Variants in LAMA2 observed in about 807,000 individuals in gnomAD.
The protein encoded by LAMA2 is laminin subunit alpha 2.
A neutral mutation model predicts 364.8 loss-of-function variants in LAMA2; 269 were observed. The ratio of observed to expected loss-of-function variants is 0.74; its 90% CI spans 0.67 to 0.82. LAMA2 has a LOEUF of 0.82. Ranked by LOEUF, LAMA2 falls within the 40% of genes least tolerant of loss-of-function variation. The probability of loss-of-function intolerance (pLI) is 0.00; values close to 1 mark genes in which losing one functional copy is unlikely to be tolerated. For synonymous variants in LAMA2, 1,379 were observed against 1,370.6 expected, an observed-to-expected ratio of 1.01 and a Z score of -0.14; for missense variants, 3,807 against 3,873.2, an observed-to-expected ratio of 0.98 and a Z score of 0.45.
chr6:129,314,394 G>C lies in LAMA2; in HGVS notation c.3412-261G>C, dbSNP rs142635777. ...GGCCTGGGCGAAAGAGCGAGACTCC[G>C]TCTCAAAAAAAAAAAAAAAAAAAAA... On this transcript the variant is annotated intron_variant, in intron 23 of 64. Transcript: ENST00000421865. Among the ~76,000 whole-genome samples, 4,492 of 42,950 alleles carry C rather than the reference G, an allele frequency of 0.1. 260 individuals carry two copies. Among genetic ancestry groups the C allele is most frequent in the African/African-American group, 0.29 (4,091 of 14,104 alleles). 28.2% of individuals were successfully genotyped at this position (42,950 alleles called of 152,430 possible). A position where few individuals can be genotyped will look rare whatever the true frequency, so the allele number is the denominator to read the frequency against.
intron 12 of LAMA2, among the ~76,000 whole-genome samples, chr6:129,223,702 A>C (rs1221678176): frequency 1.3e-5 from 2 of 152,138 alleles, no homozygotes; most frequent in Non-Finnish European, 2.9e-5. Context: ...ATTGATCTAC[A>C]TCTCTCTTTT....
intron 1 of LAMA2, chr6:128,929,952 AC>A: frequency 1.4e-6 from 1 of 714,240 alleles, no homozygotes; most frequent in Non-Finnish European, 2.4e-6. Flanking sequence ...ACCTGGACCC[AC>A]CACTCCCTCA....
In LAMA2 at chr6:129,250,622, T is replaced by G. The variant is rs79320274; in HGVS notation, c.1884+409T>G. Among the ~76,000 whole-genome samples the G allele has an allele frequency of 4.6e-3, 704 of 152,326 alleles. 3 individuals carry two copies. Among genetic ancestry groups the G allele is most frequent in the African/African-American group, 0.016 (671 of 41,566 alleles). On this transcript the variant is annotated intron_variant, in intron 13 of 64. Coordinates refer to ENST00000421865, the MANE Select transcript of LAMA2 (RefSeq NM_000426.4). Reference sequence around the variant, plus strand: ...AAATGAAACAGGAAACTTGTTTATTTAGCTATAGTTAAATCTTGACTTCAG... The same window carrying G: ...AAATGAAACAGGAAACTTGTTTATTGAGCTATAGTTAAATCTTGACTTCAG...
At chr6:129,090,211 C>G (rs1317209152) in intron 3 of LAMA2, among the ~76,000 whole-genome samples, 1 of 152,096 alleles carries the variant, frequency 6.6e-6, no homozygotes, top group Non-Finnish European at 1.5e-5. Context: ...CAACACCCAT[C>G]CATAAGTATT....
chr6:128,901,825 T>C (rs1777101860), intron 1 of LAMA2, among the ~76,000 whole-genome samples: 2 of 152,258 alleles, frequency 1.3e-5, no homozygotes, highest in Non-Finnish European at 2.9e-5. Flanking sequence ...GCAGAGTTTA[T>C]TCATTATTTA....
At chr6:128,907,415 A>G (rs1777560266) in intron 1 of LAMA2, among the ~76,000 whole-genome samples, 1 of 151,824 alleles carries the variant, frequency 6.6e-6, no homozygotes, top group Admixed American at 6.6e-5. Context: ...ATGGGAGTTC[A>G]CTCATGATTT....
intron 28 of LAMA2, among the ~76,000 whole-genome samples, chr6:129,320,920 A>G (rs889872291): frequency 5.9e-5 from 9 of 152,344 alleles, no homozygotes; most frequent in East Asian, 3.9e-4. Flanking sequence ...AAGCCTATTT[A>G]TTATAGCTGA....
chr6:129,149,756 A>C (rs938581415), intron 7 of LAMA2, among the ~76,000 whole-genome samples: 8 of 152,190 alleles, frequency 5.3e-5, no homozygotes, highest in Non-Finnish European at 1.0e-4. Flanking sequence ...GTTTGAAAAA[A>C]AGTTGCATCT....
intron 22 of LAMA2, among the ~76,000 whole-genome samples, chr6:129,311,411 GC>G (rs1774221870): frequency 6.6e-6 from 1 of 152,054 alleles, no homozygotes; most frequent in African/African-American, 2.4e-5. Context: ...ATGAGCCACC[GC>G]GCCCGGCCTA....
At chr6:128,947,721 T>G (rs1355987417) in intron 1 of LAMA2, among the ~76,000 whole-genome samples, 2 of 152,106 alleles carry the variant, frequency 1.3e-5, no homozygotes, top group Admixed American at 1.3e-4. Flanking sequence ...CTGTTACATA[T>G]TTTTTTGGTT....
intron 1 of LAMA2, among the ~76,000 whole-genome samples, chr6:128,923,379 T>C: frequency 6.6e-6 from 1 of 150,934 alleles, no homozygotes; most frequent in African/African-American, 2.5e-5. Context: ...TCCTCTTTTA[T>C]TTCCTTGAGC....
chr6:128,987,205 C>T (rs1311085084), intron 1 of LAMA2, among the ~76,000 whole-genome samples: 1 of 134,182 alleles, frequency 7.5e-6, no homozygotes, highest in Non-Finnish European at 1.5e-5. Flanking sequence ...GTGGCAGGAT[C>T]TCAGCTCACT....
rs751747509 is a variant in LAMA2 at position 129,200,112 on chromosome 6, G to GTA, written c.1782+7267_1782+7268dup. Among the ~76,000 whole-genome samples the GTA allele has an allele frequency of 1.5e-3, 187 of 123,658 alleles. 4 individuals carry two copies. The highest frequency in any genetic ancestry group is 4.7e-3 in the Middle Eastern group (1 of 212). 81.1% of individuals were successfully genotyped at this position (123,658 alleles called of 152,430 possible). On this transcript the variant is annotated intron_variant, in intron 12 of 64. Coordinates refer to ENST00000421865, the MANE Select transcript of LAMA2 (RefSeq NM_000426.4). ...TATATACACGTGTATATGTGTACAC[G>GTA]TATATATATGTGTATATATATACGT... is the stretch of plus-strand genomic sequence containing the variant.
At chr6:129,053,884 A>G (rs865943123) in intron 2 of LAMA2, among the ~76,000 whole-genome samples, 6 of 152,184 alleles carry the variant, frequency 3.9e-5, no homozygotes, top group African/African-American at 1.4e-4. Flanking sequence ...AAAGGTTTTC[A>G]AAGATAAGAG....
chr6:128,955,499 A>G (rs1470660454), intron 1 of LAMA2, among the ~76,000 whole-genome samples: 2 of 152,116 alleles, frequency 1.3e-5, no homozygotes, highest in Non-Finnish European at 2.9e-5. Context: ...TTGAAACTCA[A>G]AAACAGAAGG....
chr6:128,952,567 A>G (rs548364474), intron 1 of LAMA2, among the ~76,000 whole-genome samples: 310 of 152,258 alleles, frequency 2.0e-3, no homozygotes, highest in African/African-American at 7.0e-3. Context: ...AAGCAATTTC[A>G]TCTATATTTA....
chr6:129,288,720 G>A (rs373767226), intron 19 of LAMA2, among the ~76,000 whole-genome samples: 13 of 151,980 alleles, frequency 8.6e-5, no homozygotes, highest in Admixed American at 7.9e-4. Flanking sequence ...CTTTTTTGCT[G>A]TATTAATACT....
intron 1 of LAMA2, among the ~76,000 whole-genome samples, chr6:128,960,457 G>GCC (rs1276498386): frequency 6.9e-6 from 1 of 145,198 alleles, no homozygotes; most frequent in African/African-American, 2.8e-5. Context: ...TCCGGCCTTG[G>GCC]CCCCACCCCG....
chr6:129,099,204 G>A (rs539800570), intron 4 of LAMA2, among the ~76,000 whole-genome samples: 2 of 142,906 alleles, frequency 1.4e-5, no homozygotes, highest in East Asian at 2.1e-4. Context: ...CAGTTTCATC[G>A]CCCATAAATC....
Sources: allele counts gnomAD v4.1 joint callset (sites outside exome capture counted in the v4.1 genomes callset), GRCh38; gene constraint gnomAD v4.1.1; transcripts MANE v1.5; gene names NCBI Gene and HGNC (gene_info 2026-07-23, HGNC 2026-07-21).